Variants in STOX2 observed in about 807,000 individuals in gnomAD.
The protein encoded by STOX2 is storkhead box 2.
In STOX2, 28 loss-of-function variants were observed where a neutral mutation model predicts 60.9. That is an observed-to-expected ratio of 0.46 (90% confidence interval 0.34 to 0.63). The LOEUF is 0.63. STOX2 is among the 30% of genes least tolerant of loss of function. The probability of loss-of-function intolerance (pLI) is 0.01; values close to 1 mark genes in which losing one functional copy is unlikely to be tolerated. For missense variants in STOX2, 1,024 were observed against 1,187.7 expected (o/e 0.86, Z 2.03); for synonymous variants, 472 against 463.9 (o/e 1.02, Z -0.22).
rs528495102 is a variant in STOX2, at chr4:183,817,933, T to C, written c.364+19878T>C. ...TCACTCACAGACATTTGCTGCACTG[T>C]TCTCCCCACCTCACGCAGCAGAACA... is the stretch of plus-strand genomic sequence containing the variant. On this transcript the variant is annotated intron_variant, in intron 1 of 2. Transcript: ENST00000513034. Among the ~76,000 whole-genome samples, 3 of 152,286 alleles carry C rather than the reference T, an allele frequency of 2.0e-5. No individual in the cohort carries two copies. In the South Asian group the frequency reaches 6.2e-4, roughly 32 times the overall value.
At chr4:184,004,434 C>T (rs914224131) in intron 2 of STOX2, among the ~76,000 whole-genome samples, 38 of 152,036 alleles carry the variant, frequency 2.5e-4, no homozygotes, top group Non-Finnish European at 1.6e-4. Context: ...CCCGTCTCTA[C>T]TAAAAATACA....
chr4:183,865,322 G>A lies in STOX2; in HGVS notation c.364+67267G>A, dbSNP rs1342181423. ...TTAGATACTCGGTTTTAAAGTGACT[G>A]GGGTGGGTGGGATTGCTGTTTTACC... On this transcript the variant is annotated intron_variant, in intron 1 of 2. Coordinates refer to the STOX2 transcript ENST00000513034. This position sits in a 1 kb window ranked among gnomAD's most constrained non-coding sequence, Gnocchi z 4.1. Among the ~76,000 whole-genome samples, 7 of 152,158 alleles carry A rather than the reference G, an allele frequency of 4.6e-5. No individual in the cohort carries two copies. Among genetic ancestry groups the A allele is most frequent in the Non-Finnish European group, 1.0e-4 (7 of 68,022 alleles).
At position 184,011,783 on chromosome 4, in the gene STOX2, G is replaced by T; in HGVS notation, c.2585+360G>T. On this transcript the variant is annotated intron_variant, in intron 3 of 3. Coordinates refer to ENST00000308497, the MANE Select transcript of STOX2 (RefSeq NM_020225.3). This position sits in a 1 kb window ranked among gnomAD's most constrained non-coding sequence, Gnocchi z 4.4. The stretch of plus-strand genomic sequence containing the variant: ...TTCAAAAATAGTAACTTTTTGAGTA[G>T]AATAAATAGTCTGGGGGCGGGGGAG... 1.5e-5 allele frequency: 6 copies of T among 395,472 alleles called. No individual in the cohort carries two copies. The highest frequency in any genetic ancestry group is 2.7e-5 in the Non-Finnish European group (6 of 223,964). 24.5% of individuals were successfully genotyped at this position (395,472 alleles called of 1,614,324 possible).
intron 1 of STOX2, among the ~76,000 whole-genome samples, chr4:183,915,001 A>G (rs561468315): frequency 1.2e-3 from 189 of 152,362 alleles, no homozygotes; most frequent in African/African-American, 4.5e-3. Flanking sequence ...TATGTAAATA[A>G]TGTATATTTC....
intron 1 of STOX2, among the ~76,000 whole-genome samples, chr4:183,942,588 A>G (rs1344549836): frequency 6.6e-6 from 1 of 151,762 alleles, no homozygotes; most frequent in East Asian, 1.9e-4. Flanking sequence ...TTAAAAAAAA[A>G]GTCATTCCAT....
intron 1 of STOX2, among the ~76,000 whole-genome samples, chr4:183,830,583 T>G (rs953597536): frequency 2.6e-5 from 4 of 152,196 alleles, no homozygotes; most frequent in African/African-American, 9.6e-5. Context: ...TGCCCAGGGC[T>G]GGTCTGGCCT....
chr4:183,929,877 TCTTTGAGACGGAGTCTCACTCTGTCG>T (rs371634205), intron 1 of STOX2, among the ~76,000 whole-genome samples: 5,129 of 152,252 alleles, frequency 0.034, 308 homozygotes, highest in African/African-American at 0.12. Context: ...TTCTTCTTCT[TCTTTGAGACGGAGTCTCACTCTGTCG>T]CCCAGGCTGG....
rs866205472 is a variant in STOX2, at chr4:183,916,940, G to A, written c.166+9984G>A. Among the ~76,000 whole-genome samples the A allele has an allele frequency of 8.5e-5, 13 of 152,126 alleles. 1 individual carries two copies. The highest frequency in any genetic ancestry group is 1.9e-4 in the African/African-American group (8 of 41,418). On this transcript the variant is annotated intron_variant, in intron 1 of 3. Transcript: ENST00000308497. ...AAACCTGATGGAGTGTGACCGAGCCGCTCCTTCTCTGTGCTCCGGCAGCAC... is the reference window on the plus strand; with the variant it reads ...AAACCTGATGGAGTGTGACCGAGCCACTCCTTCTCTGTGCTCCGGCAGCAC...
At chr4:183,930,990 C>T (rs894877780) in intron 1 of STOX2, among the ~76,000 whole-genome samples, 8 of 132,454 alleles carry the variant, frequency 6.0e-5, no homozygotes, top group African/African-American at 1.5e-4. Flanking sequence ...CAAAATAAGT[C>T]TTAAAAATAT....
intron 2 of STOX2, among the ~76,000 whole-genome samples, chr4:184,006,807 C>G (rs141460502): frequency 0.014 from 2,140 of 150,596 alleles, 34 homozygotes; most frequent in Admixed American, 0.038. Context: ...ACGAGGTCAG[C>G]AGATCGAAAC....
intron 1 of STOX2, among the ~76,000 whole-genome samples, chr4:183,868,272 G>T (rs1740617521): frequency 6.6e-6 from 1 of 152,062 alleles, no homozygotes; most frequent in Non-Finnish European, 1.5e-5. Context: ...TCTTTACATT[G>T]TTTCTAGGGC....
chr4:183,815,761 ATG>A (rs1446107115), intron 1 of STOX2, among the ~76,000 whole-genome samples: 1 of 152,246 alleles, frequency 6.6e-6, no homozygotes, highest in African/African-American at 2.4e-5. Flanking sequence ...GATCTTTTGA[ATG>A]AGGTCTCTCG....
chr4:183,812,066 G>C (rs1389457627), intron 1 of STOX2, among the ~76,000 whole-genome samples: 1 of 151,820 alleles, frequency 6.6e-6, no homozygotes, highest in Non-Finnish European at 1.5e-5. Context: ...TCAGTAGTTG[G>C]AACTACAGGC....
intron 1 of STOX2, among the ~76,000 whole-genome samples, chr4:183,831,278 G>A (rs1739561493): frequency 6.6e-6 from 1 of 152,158 alleles, no homozygotes; most frequent in Non-Finnish European, 1.5e-5. Context: ...ACACATGTAA[G>A]GAAAATTGTG....
intron 1 of STOX2, among the ~76,000 whole-genome samples, chr4:183,934,599 C>A (rs984629491): frequency 6.6e-6 from 1 of 152,158 alleles, no homozygotes; most frequent in Non-Finnish European, 1.5e-5. Flanking sequence ...TATCCAGAAT[C>A]TTTCACTCAA....
At chr4:183,951,602 C>A (rs560871640) in intron 1 of STOX2, among the ~76,000 whole-genome samples, 1 of 151,394 alleles carries the variant, frequency 6.6e-6, no homozygotes, top group Non-Finnish European at 1.5e-5. Flanking sequence ...AGGCGTGAGC[C>A]GCTGCGCTCG....
In STOX2 at chr4:183,915,783, AG is replaced by A. The variant is rs566812287; in HGVS notation, c.166+8829del. On this transcript the variant is annotated intron_variant, in intron 1 of 3. Transcript: ENST00000308497. The stretch of plus-strand genomic sequence containing the variant: ...CAGCCACCACCGGAGGCCGGGAGAG[AG>A]GCCTGGGAGGGCTTCACCCTCAGGG... 4.0e-3 allele frequency among the ~76,000 whole-genome samples: 606 copies of A among 152,318 alleles called. 3 individuals carry two copies. The highest frequency in any genetic ancestry group is 0.01 in the Middle Eastern group (3 of 294).
intron 1 of STOX2, among the ~76,000 whole-genome samples, chr4:183,953,163 T>C (rs1344674725): frequency 6.6e-6 from 1 of 151,854 alleles, no homozygotes; most frequent in East Asian, 1.9e-4. Flanking sequence ...GTTCTGCACA[T>C]GTACCCCAGA....
intron 1 of STOX2, among the ~76,000 whole-genome samples, chr4:183,971,087 T>C (rs551899158): frequency 3.6e-4 from 55 of 152,298 alleles, no homozygotes; most frequent in Non-Finnish European, 6.3e-4. Flanking sequence ...TCTGAGGGGT[T>C]TTTTTGGTGG....
Sources: allele counts gnomAD v4.1 joint callset (sites outside exome capture counted in the v4.1 genomes callset), GRCh38; gene constraint gnomAD v4.1.1; non-coding constraint Gnocchi (gnomAD v3.1); transcripts MANE v1.5; gene names NCBI Gene and HGNC (gene_info 2026-07-23, HGNC 2026-07-21).